Variants in ANK3 observed in about 807,000 individuals in gnomAD.
The protein encoded by ANK3 is ankyrin-3.
A neutral mutation model predicts 370.9 loss-of-function variants in ANK3; 57 were observed. That is an observed-to-expected ratio of 0.15 (90% CI 0.12 to 0.19). The LOEUF is 0.19. ANK3 is among the 10% of genes least tolerant of loss of function. The probability of loss-of-function intolerance (pLI) is 1.00; values close to 1 mark genes in which losing one functional copy is unlikely to be tolerated. For missense variants in ANK3, 4,439 were observed against 5,302.1 expected (o/e 0.84, Z 5.06); for synonymous variants, 1,929 against 1,946.3 (o/e 0.99, Z 0.23).
intron 1 of ANK3, among the ~76,000 whole-genome samples, chr10:60,377,680 T>C (rs2060978937): frequency 6.6e-6 from 1 of 152,186 alleles, no homozygotes; most frequent in Non-Finnish European, 1.5e-5. Context: ...TCCAAATGCA[T>C]GAATCTTATA....
chr10:60,602,445 G>A (rs138465128), intron 2 of ANK3, among the ~76,000 whole-genome samples: 38 of 152,202 alleles, frequency 2.5e-4, no homozygotes, highest in African/African-American at 8.9e-4. Context: ...TAATATGCAC[G>A]CTTAATACAG....
At chr10:60,645,653 A>T (rs1473712980) in intron 1 of ANK3, among the ~76,000 whole-genome samples, 14 of 152,116 alleles carry the variant, frequency 9.2e-5, no homozygotes, top group Admixed American at 9.2e-4. Context: ...TAAACCCAGG[A>T]GGTGGAGTTT....
rs918077532 is a variant in ANK3 at position 60,139,526 on chromosome 10, T to TA, written c.2615-440dup. On this transcript the variant is annotated intron_variant, in intron 23 of 43. Transcript: ENST00000280772. ...TATATGTGGGAAGGAAACAGACATTTAAAAAAAAAACTGGTTTTCTCACAC... is the reference window on the plus strand; with the variant it reads ...TATATGTGGGAAGGAAACAGACATTTAAAAAAAAAAACTGGTTTTCTCACAC... The TA allele has an allele frequency of 3.7e-3, 567 of 152,338 alleles. 4 individuals are homozygous for TA. Among genetic ancestry groups the TA allele is most frequent in the African/African-American group, 0.011 (463 of 40,884 alleles). 9.4% of individuals were successfully genotyped at this position (152,338 alleles called of 1,614,324 possible).
intron 8 of ANK3, among the ~76,000 whole-genome samples, chr10:60,215,751 C>T (rs1329163543): frequency 6.6e-6 from 1 of 152,080 alleles, no homozygotes; most frequent in East Asian, 1.9e-4. Context: ...TTACTGTAGC[C>T]TTGTAGTGTA....
chr10:60,273,922 TAA>T (rs1210233569), intron 4 of ANK3, among the ~76,000 whole-genome samples: 1 of 152,218 alleles, frequency 6.6e-6, no homozygotes, highest in East Asian at 1.9e-4. Flanking sequence ...ATGAGTCAAT[TAA>T]ACTTCTTTCC....
In ANK3 at chr10:60,072,286, A is replaced by C; in HGVS notation, c.8595T>G (p.Ser2865=). Residue 2865 remains serine, a synonymous_variant, in exon 37 of 44, where the codon TCT becomes TCG. Coordinates refer to ENST00000280772, the MANE Select transcript of ANK3 (RefSeq NM_020987.5). ...GTACATGCGAAAGTTTTTCTTTCTGAGACTTATTGTTAGTGGCTCCCGAAC... is the reference window on the plus strand; with the variant it reads ...GTACATGCGAAAGTTTTTCTTTCTGCGACTTATTGTTAGTGGCTCCCGAAC... ...WESSGATNNK[S]QKEKLSHVLV... 4 of 1,614,114 alleles carry C rather than the reference A, an allele frequency of 2.5e-6. No homozygotes were observed. The highest frequency in any genetic ancestry group is 3.4e-6 in the Non-Finnish European group (4 of 1,180,012).
chr10:60,701,270 C>T (rs1265856870), intron 1 of ANK3, among the ~76,000 whole-genome samples: 1 of 151,438 alleles, frequency 6.6e-6, no homozygotes, highest in Non-Finnish European at 1.5e-5. Context: ...GAAAAAAAAA[C>T]ATTTTCATAT....
chr10:60,404,655 G>A (rs1174073909), intron 2 of ANK3, among the ~76,000 whole-genome samples: 3 of 151,860 alleles, frequency 2.0e-5, no homozygotes, highest in Non-Finnish European at 4.4e-5. Context: ...TCACAACCTG[G>A]GGGTAGGCAA....
chr10:60,541,171 C>T (rs1938525), intron 2 of ANK3, among the ~76,000 whole-genome samples: 6,706 of 151,942 alleles, frequency 0.044, 214 homozygotes, highest in Middle Eastern at 0.085. Context: ...AAAATAAGCA[C>T]GTATGCGTGC....
intron 2 of ANK3, among the ~76,000 whole-genome samples, chr10:60,601,802 G>A (rs927230557): frequency 1.3e-5 from 2 of 152,110 alleles, no homozygotes; most frequent in South Asian, 2.1e-4. Flanking sequence ...GGGAAACTGG[G>A]CATGGAGTCT....
chr10:60,630,754 G>T (rs2078470821), intron 1 of ANK3, among the ~76,000 whole-genome samples: 1 of 152,154 alleles, frequency 6.6e-6, no homozygotes, highest in Non-Finnish European at 1.5e-5. Context: ...AGGTCAGTGG[G>T]GGTAAAGAGC....
rs746254420 is a variant in ANK3, at chr10:60,068,653, C to T, written c.12228G>A (p.Arg4076=). The T allele has an allele frequency of 6.2e-7, 1 of 1,609,424 alleles. No homozygotes were observed. The change falls in exon 37 of 44, where the codon AGG becomes AGA. Residue 4076 remains arginine (R), a synonymous_variant. Coordinates refer to ENST00000280772, the MANE Select transcript of ANK3 (RefSeq NM_020987.5). ...CATTCTCACCAGTCCTTCTACTGCTCCTTTTCTCACTGCCGGCCTTTTCAC... is the reference window on the plus strand; with the variant it reads ...CATTCTCACCAGTCCTTCTACTGCTTCTTTTCTCACTGCCGGCCTTTTCAC... The part of the protein sequence containing the change: ...SKSEKAGSEK[R]SSRRTGPQSP...
At chr10:60,488,563 G>A (rs1219630607) in intron 2 of ANK3, among the ~76,000 whole-genome samples, 1 of 151,922 alleles carries the variant, frequency 6.6e-6, no homozygotes, top group Non-Finnish European at 1.5e-5. Flanking sequence ...TAATCACCCT[G>A]TTCTCCCCTT....
intron 2 of ANK3, among the ~76,000 whole-genome samples, chr10:60,522,036 C>T (rs888078624): frequency 4.6e-5 from 7 of 152,058 alleles, no homozygotes; most frequent in African/African-American, 1.7e-4. Context: ...TCACTTTGAA[C>T]ACAGTGTGAT....
At chr10:60,205,154 CT>C (rs1199315168) in intron 11 of ANK3, among the ~76,000 whole-genome samples, 1 of 152,170 alleles carries the variant, frequency 6.6e-6, no homozygotes, top group African/African-American at 2.4e-5. Flanking sequence ...GATCATTTCT[CT>C]GAGTTCTGAG....
chr10:60,569,259 C>T (rs917963015), intron 2 of ANK3, among the ~76,000 whole-genome samples: 3 of 152,042 alleles, frequency 2.0e-5, no homozygotes, highest in Admixed American at 1.3e-4. Context: ...ATGACCACTT[C>T]GAGGTTAGGT....
chr10:60,373,777 G>A (rs1162684381), intron 1 of ANK3, among the ~76,000 whole-genome samples: 1 of 152,154 alleles, frequency 6.6e-6, no homozygotes, highest in Non-Finnish European at 1.5e-5. Context: ...TGCTCTTGGA[G>A]TGAGGGATAT....
intron 43 of ANK3, among the ~76,000 whole-genome samples, chr10:60,037,486 C>CT (rs1018029408): frequency 6.6e-6 from 1 of 151,996 alleles, no homozygotes; most frequent in African/African-American, 2.4e-5. Flanking sequence ...TGTTTTTTCC[C>CT]TTTTTGTGTC....
rs551939597 is a variant in ANK3 at position 60,048,315 on chromosome 10, C to CA, written c.13066-5557dup. 8.7e-4 allele frequency among the ~76,000 whole-genome samples: 133 copies of CA among 152,328 alleles called. 1 individual carries two copies. Among genetic ancestry groups the CA allele is most frequent in the African/African-American group, 3.0e-3 (125 of 41,578 alleles). On this transcript the variant is annotated intron_variant, in intron 42 of 43. Transcript: ENST00000280772. The stretch of plus-strand genomic sequence containing the variant: ...TCCATGAGGTAAGTCAAATTCCCAG[C>CA]ATTCCAGCCCCATCAAATGGTTCCC...
Sources: allele counts gnomAD v4.1 joint callset (sites outside exome capture counted in the v4.1 genomes callset), GRCh38; gene constraint gnomAD v4.1.1; transcripts MANE v1.5; gene names NCBI Gene and HGNC (gene_info 2026-07-23, HGNC 2026-07-21).